CLEC16A: variants seen among roughly 807,000 people sequenced by gnomAD.
CLEC16A encodes the protein C-type lectin domain containing 16A.
Under a neutral mutation model 109.5 loss-of-function variants are expected in CLEC16A, and 51 were observed. That is an observed-to-expected ratio of 0.47 (90% CI 0.37 to 0.59). The LOEUF (loss-of-function observed/expected upper bound fraction) is 0.59. CLEC16A is among the 20% of genes least tolerant of loss of function. The pLI, the probability that CLEC16A is intolerant of heterozygous loss-of-function variation, is 0.00. For missense variants in CLEC16A, 1,339 were observed against 1,394.0 expected (o/e 0.96, Z 0.63); for synonymous variants, 673 against 564.2 (o/e 1.19, Z -2.73).
intron 19 of CLEC16A, among the ~76,000 whole-genome samples, chr16:11,113,037 C>CACATGTG (rs1244948598): frequency 2.0e-5 from 3 of 152,230 alleles, no homozygotes; most frequent in African/African-American, 7.2e-5. Context: ...TGTGCACGTG[C>CACATGTG]ACATGTGAGC....
At chr16:11,163,747 G>A (rs1247138400) in intron 22 of CLEC16A, among the ~76,000 whole-genome samples, 3 of 152,140 alleles carry the variant, frequency 2.0e-5, no homozygotes, top group African/African-American at 7.2e-5. Context: ...CTTGGCAACG[G>A]CTATGTCATT....
At chr16:11,145,301 C>A (rs970262647) in intron 22 of CLEC16A, among the ~76,000 whole-genome samples, 1 of 152,174 alleles carries the variant, frequency 6.6e-6, no homozygotes, top group Non-Finnish European at 1.5e-5. Context: ...CCGTGGGGCC[C>A]GATGACCCAC....
intron 22 of CLEC16A, among the ~76,000 whole-genome samples, chr16:11,140,088 C>T (rs1411387578): frequency 6.6e-6 from 1 of 152,220 alleles, no homozygotes; most frequent in Non-Finnish European, 1.5e-5. Context: ...TTCCTGAGAA[C>T]AAAAGTTATC....
intron 18 of CLEC16A, among the ~76,000 whole-genome samples, chr16:11,058,478 G>A (rs187964460): frequency 6.6e-6 from 1 of 151,494 alleles, no homozygotes; most frequent in Non-Finnish European, 1.5e-5. Context: ...ATTGATTAGG[G>A]AATAATAAGG....
intron 1 of CLEC16A, among the ~76,000 whole-genome samples, chr16:10,953,862 A>G (rs1272558287): frequency 1.3e-5 from 2 of 152,080 alleles, no homozygotes; most frequent in Admixed American, 6.6e-5. Context: ...CTGTAGTCCC[A>G]GCTATTCGGA....
chr16:10,969,775 G>T (rs1053269335), intron 4 of CLEC16A, among the ~76,000 whole-genome samples: 2 of 152,132 alleles, frequency 1.3e-5, no homozygotes, highest in African/African-American at 4.8e-5. Context: ...CTCCAGTCAG[G>T]GCTGGTTTTG....
chr16:10,957,843 G>T lies in CLEC16A; in HGVS notation c.142G>T (p.Val48Leu). Residue 48 changes from valine to leucine, a missense_variant, in exon 2 of 24, where the codon GTG becomes TTG. Around this residue, in one of 3 missense-constraint regions of CLEC16A, gnomAD observed 117 missense variants for 120.2 expected, o/e 0.97. Transcript: ENST00000409790. ...CACAGAACAGAACCGGAACCTGCTAGTGGAGACCATCCGTTCCATCACTGA... is the reference window on the plus strand; with the variant it reads ...CACAGAACAGAACCGGAACCTGCTATTGGAGACCATCCGTTCCATCACTGA... ...TVTEQNRNLLVETIRSITEIL... is the reference protein window; with the variant it reads ...TVTEQNRNLLLETIRSITEIL... The T allele has an allele frequency of 6.2e-7, 1 of 1,613,764 alleles. No individual in the cohort carries two copies. Among genetic ancestry groups the T allele is most frequent in the Non-Finnish European group, 8.5e-7 (1 of 1,179,658 alleles).
chr16:11,065,993 C>T (rs957783926), intron 19 of CLEC16A, among the ~76,000 whole-genome samples: 1 of 152,168 alleles, frequency 6.6e-6, no homozygotes, highest in Non-Finnish European at 1.5e-5. Flanking sequence ...CCAGAAGGGG[C>T]CTTCGAGCTG....
chr16:11,092,408 G>C (rs978004843), intron 19 of CLEC16A, among the ~76,000 whole-genome samples: 3 of 109,470 alleles, frequency 2.7e-5, no homozygotes, highest in Admixed American at 8.8e-5. Flanking sequence ...ACACATGCCA[G>C]GTGTGGTGGT....
chr16:11,166,525 AC>A lies in CLEC16A; in HGVS notation c.2784del (p.Ser929ProfsTer11). 6.2e-7 allele frequency: 1 copy of A among 1,605,392 alleles called. No individual in the cohort carries two copies. Among genetic ancestry groups the A allele is most frequent in the Admixed American group, 1.7e-5 (1 of 59,446 alleles). The part of the protein sequence containing the change: ...CDSGGTSSSS[T>X]PSTAQSPADA... ...CTCTGGAGGCACCAGCTCGTCCTCC[AC>A]CCCCTCCACAGCCCAGAGTCCAGCA... On this transcript the variant is annotated frameshift_variant, in exon 23 of 24. Transcript: ENST00000409790. LOFTEE classifies it low-confidence loss of function (END_TRUNC).
intron 19 of CLEC16A, among the ~76,000 whole-genome samples, chr16:11,104,644 T>C (rs1159803187): frequency 6.6e-6 from 1 of 152,182 alleles, no homozygotes; most frequent in African/African-American, 2.4e-5. Flanking sequence ...GGTGGGCCCA[T>C]ACCACGAAGG....
chr16:10,987,188 T>C (rs944432886), intron 10 of CLEC16A, among the ~76,000 whole-genome samples: 1 of 152,072 alleles, frequency 6.6e-6, no homozygotes, highest in Non-Finnish European at 1.5e-5. Context: ...TGAAATTTTT[T>C]ACTGAGATAA....
At chr16:11,118,422 C>G (rs1033768000) in intron 19 of CLEC16A, among the ~76,000 whole-genome samples, 2 of 152,176 alleles carry the variant, frequency 1.3e-5, no homozygotes, top group Non-Finnish European at 2.9e-5. Context: ...GGGCCAAGTG[C>G]TGTACACATC....
intron 10 of CLEC16A, among the ~76,000 whole-genome samples, chr16:10,994,985 G>A (rs144883835): frequency 2.6e-4 from 39 of 152,318 alleles, no homozygotes; most frequent in Non-Finnish European, 4.9e-4. Flanking sequence ...TTATTCCTGG[G>A]TTCAAATCCT....
intron 19 of CLEC16A, among the ~76,000 whole-genome samples, chr16:11,117,749 T>C (rs2052106030): frequency 1.3e-5 from 2 of 152,134 alleles, no homozygotes; most frequent in South Asian, 4.1e-4. Flanking sequence ...TTTAAATGGG[T>C]ATATAATTTT....
At chr16:11,012,594 CAAAAAAAAA>C (rs551902895) in intron 11 of CLEC16A, among the ~76,000 whole-genome samples, 15,151 of 67,456 alleles carry the variant, frequency 0.22, 618 homozygotes, top group South Asian at 0.32. Context: ...GACTCCGTCT[CAAAAAAAAA>C]AAAAAAAAAA....
intron 8 of CLEC16A, among the ~76,000 whole-genome samples, chr16:10,979,000 T>C (rs1316111619): frequency 6.6e-6 from 1 of 151,930 alleles, no homozygotes; most frequent in Non-Finnish European, 1.5e-5. Flanking sequence ...CCTGGAGGCC[T>C]CTCCTGCCGG....
chr16:11,142,530 G>T (rs2053884610), intron 22 of CLEC16A, among the ~76,000 whole-genome samples: 1 of 152,244 alleles, frequency 6.6e-6, no homozygotes, highest in South Asian at 2.1e-4. Context: ...GGCTGGCTCT[G>T]AGCTAGAACT....
chr16:11,066,696 C>G (rs1034135276), intron 19 of CLEC16A: 10 of 152,186 alleles, frequency 6.6e-5, no homozygotes, highest in African/African-American at 2.4e-4. Context: ...GGCTGTTCCT[C>G]AAAAGATCCT....
Sources: allele counts gnomAD v4.1 joint callset (sites outside exome capture counted in the v4.1 genomes callset), GRCh38; gene constraint gnomAD v4.1.1; regional missense constraint gnomAD v4.1.1; transcripts MANE v1.5; gene names NCBI Gene and HGNC (gene_info 2026-07-23, HGNC 2026-07-21).